CC2D2A: variants seen among roughly 807,000 people sequenced by gnomAD.
CC2D2A encodes coiled-coil and C2 domain containing 2A, also known as coiled-coil and C2 domain-containing protein 2A.
CC2D2A carries 155 observed loss-of-function variants against 212.9 expected under a neutral mutation model. That is an observed-to-expected ratio of 0.73 (90% CI 0.64 to 0.83). The LOEUF is 0.83. CC2D2A is among the 40% of genes least tolerant of loss of function. The pLI, the probability that CC2D2A is intolerant of heterozygous loss-of-function variation, is 0.00. For missense variants in CC2D2A, 1,856 were observed against 1,956.2 expected (o/e 0.95, Z 0.97); for synonymous variants, 667 against 686.5 (o/e 0.97, Z 0.44).
chr4:15,562,539 C>G (rs914532185), intron 23 of CC2D2A, among the ~76,000 whole-genome samples: 3 of 152,214 alleles, frequency 2.0e-5, no homozygotes, highest in Non-Finnish European at 4.4e-5. Flanking sequence ...CCCCTAACCC[C>G]TTCCTCCTCC....
intron 1 of CC2D2A, among the ~76,000 whole-genome samples, chr4:15,472,006 G>A (rs1348633540): frequency 1.3e-5 from 2 of 152,130 alleles, no homozygotes; most frequent in Non-Finnish European, 2.9e-5. Context: ...TTTCTCACCA[G>A]TGCAATGCTT....
At chr4:15,569,462 A>G (rs1241289191) in intron 27 of CC2D2A, 73 bp downstream of exon 27, 1 of 856,648 alleles carries the variant, frequency 1.2e-6, no homozygotes, top group African/African-American at 1.7e-5. Flanking sequence ...AGTTCCAATC[A>G]CATTGTTACC....
At chr4:15,514,958 T>C (rs1716777767) in intron 9 of CC2D2A, 89 bp downstream of exon 9, 5 of 1,081,790 alleles carry the variant, frequency 4.6e-6, no homozygotes, top group Non-Finnish European at 6.6e-6. Flanking sequence ...ATGCCTCATC[T>C]CCAGAACTGA....
intron 30 of CC2D2A, among the ~76,000 whole-genome samples, chr4:15,585,800 C>A (rs537415495): frequency 6.6e-6 from 1 of 152,310 alleles, no homozygotes; most frequent in East Asian, 1.9e-4. Context: ...CTATTACCCT[C>A]TCAACCAGGG....
intron 2 of CC2D2A, among the ~76,000 whole-genome samples, chr4:15,476,649 C>T (rs951055551): frequency 1.3e-5 from 2 of 152,302 alleles, no homozygotes; most frequent in South Asian, 4.1e-4. Flanking sequence ...AAAGTTACTA[C>T]CTATTATTGA....
At chr4:15,555,346 G>C in intron 20 of CC2D2A, 136 bp downstream of exon 20, 1 of 1,121,698 alleles carries the variant, frequency 8.9e-7, no homozygotes, top group Non-Finnish European at 1.3e-6. Context: ...TTCCAGCTGT[G>C]CTTCTTGCCT....
intron 6 of CC2D2A, among the ~76,000 whole-genome samples, chr4:15,503,449 G>A (rs1440743576): frequency 6.6e-6 from 1 of 152,202 alleles, no homozygotes; most frequent in African/African-American, 2.4e-5. Flanking sequence ...TGAGGAAACT[G>A]AGGGTCAGAG....
chr4:15,557,400 T>G lies in CC2D2A; in HGVS notation c.2722T>G (p.Ser908Ala). The G allele has an allele frequency of 6.2e-7, 1 of 1,613,548 alleles. No individual in the cohort carries two copies. Among genetic ancestry groups the G allele is most frequent in the East Asian group, 2.2e-5 (1 of 44,838 alleles). ...TGTTTCAGATCAAGAATTAAATAGATCCAAACGATTTAGGCTTCTTCATCT... is the reference window on the plus strand; with the variant it reads ...TGTTTCAGATCAAGAATTAAATAGAGCCAAACGATTTAGGCTTCTTCATCT... ...NFVSDQELNR[S>A]KRFRLLHLRS... The change falls in exon 21 of 37, where the codon TCC becomes GCC. Residue 908 changes from serine (S) to alanine (A), a missense_variant. Transcript: ENST00000424120.
At chr4:15,579,562 T>C (rs1480983720) in intron 29 of CC2D2A, among the ~76,000 whole-genome samples, 1 of 152,166 alleles carries the variant, frequency 6.6e-6, no homozygotes. Flanking sequence ...AAGATTTACA[T>C]ATGAGATGTT....
chr4:15,588,328 T>C (rs1478133244), intron 32 of CC2D2A, among the ~76,000 whole-genome samples: 3 of 152,194 alleles, frequency 2.0e-5, no homozygotes, highest in Admixed American at 6.5e-5. Context: ...TCTCCTTTCA[T>C]GCCTACTGCT....
intron 17 of CC2D2A, among the ~76,000 whole-genome samples, 174 bp downstream of exon 17, chr4:15,541,188 G>C (rs1470403305): frequency 6.6e-6 from 1 of 151,864 alleles, no homozygotes; most frequent in Non-Finnish European, 1.5e-5. Context: ...GTGTGCTGGC[G>C]GGTGCCTGTA....
chr4:15,576,671 G>A (rs1720426320), intron 29 of CC2D2A: 1 of 152,610 alleles, frequency 6.6e-6, no homozygotes, highest in South Asian at 2.1e-4. Flanking sequence ...TAGTTATTAG[G>A]CTTTAATTAG....
intron 36 of CC2D2A, among the ~76,000 whole-genome samples, chr4:15,600,915 A>AAAAG (rs1553845796): frequency 7.7e-6 from 1 of 129,362 alleles, no homozygotes; most frequent in African/African-American, 2.8e-5. Context: ...AAAAAAAAAA[A>AAAAG]AAAAAAGAAA....
chr4:15,523,023 G>C (rs994347914), intron 11 of CC2D2A, among the ~76,000 whole-genome samples: 1 of 151,722 alleles, frequency 6.6e-6, no homozygotes, highest in Non-Finnish European at 1.5e-5. Flanking sequence ...CCTGAGGCAG[G>C]AGATTGCTTG....
Position 15,599,718 on chromosome 4 carries a change from A to C in CC2D2A, c.4674+12A>C. Reference sequence around the variant, plus strand: ...TGGGAGACTACAGGGTAAGTTACAAATGGATCCTAAACTGACTGTGGATTT... The same window carrying C: ...TGGGAGACTACAGGGTAAGTTACAACTGGATCCTAAACTGACTGTGGATTT... On this transcript the variant is annotated intron_variant, in intron 36 of 36. Coordinates refer to ENST00000424120, the MANE Select transcript of CC2D2A (RefSeq NM_001378615.1). 6.3e-7 allele frequency: 1 copy of C among 1,590,370 alleles called. No individual in the cohort carries two copies. The highest frequency in any genetic ancestry group is 8.6e-7 in the Non-Finnish European group (1 of 1,162,290).
At chr4:15,592,251 C>T (rs1721139284) in intron 33 of CC2D2A, among the ~76,000 whole-genome samples, 1 of 152,158 alleles carries the variant, frequency 6.6e-6, no homozygotes, top group South Asian at 2.1e-4. Context: ...TCCAACAATT[C>T]TAAAATACCC....
chr4:15,510,279 T>C (rs201793514), intron 7 of CC2D2A, 39 bp downstream of exon 7: 21 of 1,562,632 alleles, frequency 1.3e-5, no homozygotes, highest in Non-Finnish European at 1.8e-5. Flanking sequence ...TGTTTGTTTG[T>C]GTTTTTTACA....
At chr4:15,576,365 A>G (rs1326918473) in intron 29 of CC2D2A, 1 of 984,550 alleles carries the variant, frequency 1.0e-6, no homozygotes, top group Non-Finnish European at 1.2e-6. Flanking sequence ...TTACAGCAAT[A>G]CTTCCTGGAT....
intron 25 of CC2D2A, 85 bp downstream of exon 25, chr4:15,567,567 T>C: frequency 9.6e-6 from 13 of 1,358,968 alleles, no homozygotes; most frequent in East Asian, 2.4e-5. Flanking sequence ...GTCTGCTCTC[T>C]GCTTCATTTT....
Sources: allele counts gnomAD v4.1 joint callset (sites outside exome capture counted in the v4.1 genomes callset), GRCh38; gene constraint gnomAD v4.1.1; transcripts MANE v1.5; gene names NCBI Gene and HGNC (gene_info 2026-07-23, HGNC 2026-07-21).